The following FSTL5 variants were observed in gnomAD, a reference collection of about 807,000 sequenced individuals.
FSTL5 encodes the protein follistatin like 5, also known as follistatin-related protein 5.
Under a neutral mutation model 89.1 loss-of-function variants are expected in FSTL5, and 62 were observed. That is an observed-to-expected ratio of 0.70 (90% CI 0.57 to 0.86). The LOEUF (loss-of-function observed/expected upper bound fraction) is 0.86, where lower values mean the gene tolerates loss of function less well. Among genes scored for constraint, FSTL5 ranks in the 40% least tolerant of loss-of-function variants. The probability of loss-of-function intolerance (pLI) is 0.00; values close to 1 mark genes in which losing one functional copy is unlikely to be tolerated. For missense variants in FSTL5, 1,057 were observed against 1,001.6 expected (o/e 1.06, Z -0.75); for synonymous variants, 383 against 346.2 (o/e 1.11, Z -1.18).
At chr4:161,509,496 A>G (rs1453935501) in intron 11 of FSTL5, among the ~76,000 whole-genome samples, 2 of 151,808 alleles carry the variant, frequency 1.3e-5, no homozygotes. Context: ...AACGGGATCT[A>G]AGAGAGAAAA....
intron 6 of FSTL5, among the ~76,000 whole-genome samples, chr4:161,669,533 C>T (rs561182138): frequency 3.3e-5 from 5 of 151,800 alleles, no homozygotes; most frequent in Admixed American, 1.3e-4. Flanking sequence ...AATGACAATG[C>T]AAGGTAGAAA....
chr4:162,115,798 G>C (rs1018418438), intron 1 of FSTL5, among the ~76,000 whole-genome samples: 1 of 152,036 alleles, frequency 6.6e-6, no homozygotes, highest in African/African-American at 2.4e-5. Flanking sequence ...TATTTTCTCC[G>C]CATGGCAAAA....
chr4:162,120,466 C>T (rs1221502471), intron 1 of FSTL5, among the ~76,000 whole-genome samples: 1 of 151,990 alleles, frequency 6.6e-6, no homozygotes, highest in Non-Finnish European at 1.5e-5. Context: ...CATAATACAT[C>T]ATAGAACACA....
At chr4:161,426,012 T>C (rs2126326669) in intron 15 of FSTL5, among the ~76,000 whole-genome samples, 1 of 152,210 alleles carries the variant, frequency 6.6e-6, no homozygotes, top group South Asian at 2.1e-4. Flanking sequence ...GGTTTTAAAC[T>C]TTAAAAAGGG....
At chr4:161,502,020 G>T (rs1422812772) in intron 11 of FSTL5, among the ~76,000 whole-genome samples, 1 of 151,928 alleles carries the variant, frequency 6.6e-6, no homozygotes, top group East Asian at 1.9e-4. Flanking sequence ...TACTATGTTT[G>T]ATTTTTATTA....
intron 4 of FSTL5, among the ~76,000 whole-genome samples, chr4:161,835,365 G>A (rs1034873731): frequency 1.3e-5 from 2 of 152,094 alleles, no homozygotes; most frequent in African/African-American, 4.8e-5. Context: ...AGAAAACCTA[G>A]GCATTACAAT....
intron 7 of FSTL5, among the ~76,000 whole-genome samples, chr4:161,597,555 C>A (rs1023469740): frequency 6.6e-5 from 10 of 151,410 alleles, no homozygotes; most frequent in African/African-American, 2.4e-4. Flanking sequence ...GTGCAGCAGA[C>A]CAATATGGCA....
intron 11 of FSTL5, among the ~76,000 whole-genome samples, chr4:161,504,522 C>T (rs75240012): frequency 0.094 from 14,183 of 150,896 alleles, 895 homozygotes; most frequent in South Asian, 0.2. Flanking sequence ...CAGGCAAAAG[C>T]GCTTAGTCTT....
chr4:162,149,155 A>G (rs1733123949), intron 1 of FSTL5, among the ~76,000 whole-genome samples: 1 of 152,142 alleles, frequency 6.6e-6, no homozygotes, highest in Admixed American at 6.5e-5. Context: ...TAGAATTATC[A>G]TCAAATCTGG....
At chr4:161,789,895 G>C (rs972953894) in intron 4 of FSTL5, among the ~76,000 whole-genome samples, 1 of 152,152 alleles carries the variant, frequency 6.6e-6, no homozygotes, top group Non-Finnish European at 1.5e-5. Flanking sequence ...AATCCAGATA[G>C]AAAGCATATA....
chr4:162,002,024 TAGTTG>T (rs1736479919), intron 3 of FSTL5, among the ~76,000 whole-genome samples: 1 of 152,228 alleles, frequency 6.6e-6, no homozygotes, highest in Admixed American at 6.5e-5. Context: ...TTTGTTTGGT[TAGTTG>T]AGTTAAAAGT....
intron 6 of FSTL5, among the ~76,000 whole-genome samples, chr4:161,687,448 T>A (rs1737785644): frequency 6.6e-6 from 1 of 152,252 alleles, no homozygotes; most frequent in African/African-American, 2.4e-5. Context: ...TGTATCTTTT[T>A]AAATTTATTA....
rs113914999 is a variant in FSTL5 at position 161,422,561 on chromosome 4, C to T, written c.1841+32443G>A. ...ATGATGGTGCCAAGAGAACTAAAAG[C>T]ATGGAAGTGCTAGCATATCTCAGAG... On this transcript the variant is annotated intron_variant, in intron 15 of 15. Coordinates refer to ENST00000306100, the MANE Select transcript of FSTL5 (RefSeq NM_020116.5). 2.1e-3 allele frequency among the ~76,000 whole-genome samples: 321 copies of T among 152,246 alleles called. 1 individual carries two copies. Among genetic ancestry groups the T allele is most frequent in the African/African-American group, 7.4e-3 (308 of 41,538 alleles).
At chr4:161,521,754 C>G (rs1338101265) in intron 10 of FSTL5, among the ~76,000 whole-genome samples, 3 of 141,992 alleles carry the variant, frequency 2.1e-5, no homozygotes, top group Non-Finnish European at 4.5e-5. Flanking sequence ...GAAGCTGAGG[C>G]AGGAGAATGG....
chr4:161,391,147 T>C (rs1252276386), intron 15 of FSTL5, among the ~76,000 whole-genome samples: 1 of 152,176 alleles, frequency 6.6e-6, no homozygotes, highest in African/African-American at 2.4e-5. Context: ...TTGAAAGCTG[T>C]TCCGATGTCC....
chr4:161,933,145 G>A (rs947931271), intron 3 of FSTL5, among the ~76,000 whole-genome samples: 7 of 151,990 alleles, frequency 4.6e-5, no homozygotes, highest in Non-Finnish European at 1.0e-4. Flanking sequence ...TATATATTTA[G>A]AGGAAAGTGT....
chr4:162,067,005 A>G (rs1738943394), intron 2 of FSTL5, among the ~76,000 whole-genome samples: 1 of 151,984 alleles, frequency 6.6e-6, no homozygotes, highest in Admixed American at 6.6e-5. Flanking sequence ...GAATCGCCAC[A>G]CTGTCTTCCA....
intron 2 of FSTL5, among the ~76,000 whole-genome samples, chr4:162,090,773 T>A (rs1263387114): frequency 1.3e-5 from 2 of 151,812 alleles, no homozygotes; most frequent in Non-Finnish European, 2.9e-5. Flanking sequence ...GAGCCGAGAT[T>A]GCGCCACTGC....
At chr4:162,127,758 A>T (rs376078867) in intron 1 of FSTL5, among the ~76,000 whole-genome samples, 3 of 152,182 alleles carry the variant, frequency 2.0e-5, no homozygotes, top group Non-Finnish European at 2.9e-5. Flanking sequence ...AAGAAAAAAA[A>T]ATGCCAATCT....
Sources: allele counts gnomAD v4.1 joint callset (sites outside exome capture counted in the v4.1 genomes callset), GRCh38; gene constraint gnomAD v4.1.1; transcripts MANE v1.5; gene names NCBI Gene and HGNC (gene_info 2026-07-23, HGNC 2026-07-21).